The following JMJD1C variants were observed in gnomAD, a reference collection of about 807,000 sequenced individuals.
JMJD1C encodes the protein jumonji domain containing 1C.
A neutral mutation model predicts 245.3 loss-of-function variants in JMJD1C; 31 were observed. The observed-to-expected ratio is 0.13, with a 90% CI of 0.09 to 0.17. JMJD1C has a LOEUF of 0.17. Among genes scored for constraint, JMJD1C ranks in the 10% least tolerant of loss-of-function variants. The pLI is 1.00. For synonymous variants in JMJD1C, 1,057 were observed against 1,017.4 expected (o/e 1.04, Z -0.74); for missense variants, 2,691 against 3,000.2 (o/e 0.90, Z 2.41).
At chr10:63,291,903 A>T (rs1858770574) in intron 2 of JMJD1C, among the ~76,000 whole-genome samples, 1 of 152,084 alleles carries the variant, frequency 6.6e-6, no homozygotes, top group Non-Finnish European at 1.5e-5. Flanking sequence ...ATGGAAAATA[A>T]ACTATGTATA....
At chr10:63,468,156 T>C (rs1269830272), upstream of JMJD1C, among the ~76,000 whole-genome samples, 7 of 152,286 alleles carry the variant, frequency 4.6e-5, no homozygotes, top group African/African-American at 1.7e-4. Flanking sequence ...AAACAAAGTT[T>C]TTCAGGAGGG....
chr10:63,505,932 T>C (rs1458117880), intron 1 of JMJD1C, among the ~76,000 whole-genome samples: 1 of 121,328 alleles, frequency 8.2e-6, no homozygotes, highest in Non-Finnish European at 1.9e-5. Flanking sequence ...ACGTGTACAA[T>C]TTCTCCCCCT....
At chr10:63,411,270 G>A (rs1046755690) in intron 1 of JMJD1C, among the ~76,000 whole-genome samples, 21 of 150,520 alleles carry the variant, frequency 1.4e-4, no homozygotes, top group Non-Finnish European at 3.0e-5. Flanking sequence ...GTAGTTACAT[G>A]AGTAGATACA....
rs1283652739 is a variant in JMJD1C at position 63,243,144 on chromosome 10, T to C, written c.447+21507A>G. On this transcript the variant is annotated intron_variant, in intron 3 of 25. Transcript: ENST00000399262. ...ATATATAAATATATATATGGCTAGA[T>C]AGGTATCTTTCAACAAAATCTCAAT... Among the ~76,000 whole-genome samples, 2 of 145,054 alleles carry C rather than the reference T, an allele frequency of 1.4e-5. 1 individual carries two copies. Among genetic ancestry groups the C allele is most frequent in the Non-Finnish European group, 3.0e-5 (2 of 66,422 alleles).
intron 3 of JMJD1C, among the ~76,000 whole-genome samples, chr10:63,256,067 T>C (rs1853876823): frequency 6.6e-6 from 1 of 152,186 alleles, no homozygotes; most frequent in Admixed American, 6.5e-5. Context: ...TAGCAGCAGC[T>C]ATGAAAATTT....
At chr10:63,305,669 TGTGTGTGTGTGTGTTGA>T (rs1482447129) in intron 2 of JMJD1C, among the ~76,000 whole-genome samples, 3 of 141,844 alleles carry the variant, frequency 2.1e-5, no homozygotes, top group Non-Finnish European at 4.5e-5. Context: ...TGTGTGTGTG[TGTGTGTGTGTGTGTTGA>T]AAGATCTTTC....
At chr10:63,512,632 T>C (rs1389640514) in intron 1 of JMJD1C, among the ~76,000 whole-genome samples, 2 of 152,206 alleles carry the variant, frequency 1.3e-5, no homozygotes, top group African/African-American at 4.8e-5. Flanking sequence ...TCTTTACCTT[T>C]GATTTTCTGA....
chr10:63,485,990 T>C (rs1953980682), intron 1 of JMJD1C, among the ~76,000 whole-genome samples: 1 of 151,766 alleles, frequency 6.6e-6, no homozygotes. Flanking sequence ...AATGGATGGA[T>C]GGCAGCACAC....
chr10:63,343,841 C>T (rs1195911956), intron 2 of JMJD1C, among the ~76,000 whole-genome samples: 7 of 151,818 alleles, frequency 4.6e-5, no homozygotes, highest in African/African-American at 9.7e-5. Context: ...AGTTCAAGAC[C>T]GGCCTGGGTA....
intron 2 of JMJD1C, among the ~76,000 whole-genome samples, chr10:63,311,928 T>C (rs905883521): frequency 6.6e-6 from 1 of 152,190 alleles, no homozygotes; most frequent in African/African-American, 2.4e-5. Flanking sequence ...ATTTATTATA[T>C]GCTTTCACTT....
Position 63,491,832 on chromosome 10 carries a change from G to C in JMJD1C, n.113+29906C>G, listed in dbSNP as rs370602037. Among the ~76,000 whole-genome samples the C allele has an allele frequency of 3.3e-4, 50 of 152,304 alleles. 1 individual carries two copies. The South Asian group carries it at 0.01, about 31-fold the overall frequency. On this transcript the variant is annotated intron_variant and non_coding_transcript_variant, in intron 1 of 3. Coordinates refer to the JMJD1C transcript ENST00000633035. Reference sequence around the variant, plus strand: ...CTTTCAGAGAGCTTTCTAAGCAGTTGAATCAGATAGCTACTACAACACTTC... The same window carrying C: ...CTTTCAGAGAGCTTTCTAAGCAGTTCAATCAGATAGCTACTACAACACTTC...
chr10:63,435,432 G>A (rs974012030), intron 1 of JMJD1C, among the ~76,000 whole-genome samples: 6 of 152,154 alleles, frequency 3.9e-5, no homozygotes, highest in African/African-American at 1.2e-4. Context: ...AATTTGGAAA[G>A]ATTATAGTAA....
At chr10:63,190,448 C>T (rs1007401167) in intron 17 of JMJD1C, among the ~76,000 whole-genome samples, 2 of 152,206 alleles carry the variant, frequency 1.3e-5, no homozygotes, top group African/African-American at 2.4e-5. Flanking sequence ...GTGATCCAGC[C>T]GCCTCAGTCT....
chr10:63,507,174 T>C (rs1359298058), intron 1 of JMJD1C, among the ~76,000 whole-genome samples: 2 of 152,236 alleles, frequency 1.3e-5, no homozygotes, highest in African/African-American at 4.8e-5. Flanking sequence ...CTAAAAGGCA[T>C]CTTGGTTATT....
chr10:63,245,341 A>G (rs1375763471), intron 3 of JMJD1C, among the ~76,000 whole-genome samples: 12 of 152,020 alleles, frequency 7.9e-5, no homozygotes, highest in Admixed American at 7.9e-4. Context: ...GGCAATTTAC[A>G]AAAGAAAAAG....
intron 1 of JMJD1C, among the ~76,000 whole-genome samples, chr10:63,415,343 C>A (rs1209056589): frequency 6.6e-6 from 1 of 151,958 alleles, no homozygotes; most frequent in Non-Finnish European, 1.5e-5. Context: ...TCAGAAAGTA[C>A]CAATATGAAA....
At chr10:63,211,968 C>T (rs983657263) in intron 8 of JMJD1C, among the ~76,000 whole-genome samples, 1 of 150,850 alleles carries the variant, frequency 6.6e-6, no homozygotes, top group Non-Finnish European at 1.5e-5. Context: ...AGGGCACATA[C>T]ATACAGTGGA....
chr10:63,371,127 C>T (rs1406557305), intron 2 of JMJD1C, among the ~76,000 whole-genome samples: 8 of 150,728 alleles, frequency 5.3e-5, no homozygotes, highest in East Asian at 1.9e-4. Flanking sequence ...ACAAGGCTTG[C>T]GCCACTACAA....
At chr10:63,302,309 G>C (rs1294220053) in intron 2 of JMJD1C, among the ~76,000 whole-genome samples, 1 of 152,160 alleles carries the variant, frequency 6.6e-6, no homozygotes, top group African/African-American at 2.4e-5. Flanking sequence ...GAAGAAAAAT[G>C]CCTGAGTAAA....
Sources: gnomAD v4.1 joint callset for allele counts (sites outside exome capture counted in the v4.1 genomes callset) on GRCh38, gnomAD v4.1.1 for gene constraint, MANE v1.5 for transcripts, NCBI Gene and HGNC (gene_info 2026-07-23, HGNC 2026-07-21) for gene names.